The following ROBO2 variants were observed in gnomAD, a reference collection of about 807,000 sequenced individuals.
ROBO2 encodes the protein roundabout homolog 2.
In ROBO2, 53 loss-of-function variants were observed where a neutral mutation model predicts 160.8. The observed-to-expected ratio is 0.33, with a 90% CI of 0.26 to 0.41. The LOEUF is 0.41. Ranked by LOEUF, ROBO2 falls within the 10% of genes least tolerant of loss-of-function variation. The pLI is 1.00. For synonymous variants in ROBO2, 664 were observed against 611.7 expected, an observed-to-expected ratio of 1.09 and a Z score of -1.26; for missense variants, 1,577 against 1,722.4, an observed-to-expected ratio of 0.92 and a Z score of 1.49.
At chr3:77,473,384 C>T (rs1399783756) in intron 2 of ROBO2, among the ~76,000 whole-genome samples, 1 of 151,080 alleles carries the variant, frequency 6.6e-6, no homozygotes, top group Non-Finnish European at 1.5e-5. Flanking sequence ...CGGCATTCAC[C>T]CGTGCAAGCT....
chr3:77,151,201 T>C (rs112970323), intron 2 of ROBO2, among the ~76,000 whole-genome samples: 53 of 152,270 alleles, frequency 3.5e-4, no homozygotes, highest in Middle Eastern at 3.4e-3. Context: ...TGTTACTTCC[T>C]TTAATAATGT....
Position 76,049,383 on chromosome 3 carries a change from G to GTGTGTGTATATATATATATATATA in ROBO2, c.109+111782_109+111783insGTGTGTATATATATATATATATAT, listed in dbSNP as rs1440395230. On this transcript the variant is annotated intron_variant, in intron 2 of 26. Transcript: ENST00000487694. ...ATGCCACCACCCCTGGCTAATTTTAGTATATATATATATATATATATTTTT... is the reference window on the plus strand; with the variant it reads ...ATGCCACCACCCCTGGCTAATTTTAGTGTGTGTATATATATATATATATATATATATATATATATATATATTTTT... Among the ~76,000 whole-genome samples the GTGTGTGTATATATATATATATATA allele has an allele frequency of 1.3e-3, 48 of 36,812 alleles. 3 individuals are homozygous for GTGTGTGTATATATATATATATATA. The highest frequency in any genetic ancestry group is 4.6e-3 in the African/African-American group (41 of 8,866). The allele number at this position is 36,812 out of a possible 152,430, so 24.2% of individuals were successfully genotyped here. A position where few individuals can be genotyped will look rare whatever the true frequency, so the allele number is the denominator to read the frequency against.
At chr3:77,312,232 A>G (rs1485271791) in intron 2 of ROBO2, among the ~76,000 whole-genome samples, 3 of 151,408 alleles carry the variant, frequency 2.0e-5, no homozygotes, top group African/African-American at 7.4e-5. Flanking sequence ...AAATAAAAAC[A>G]GTTAGAAGTT....
chr3:76,440,574 T>C (rs1327795509), intron 2 of ROBO2, among the ~76,000 whole-genome samples: 1 of 152,138 alleles, frequency 6.6e-6, no homozygotes, highest in Non-Finnish European at 1.5e-5. Flanking sequence ...GCAAGTAAAA[T>C]ACAATTCCTC....
intron 2 of ROBO2, among the ~76,000 whole-genome samples, chr3:76,644,581 C>T (rs1165961861): frequency 6.6e-6 from 1 of 152,146 alleles, no homozygotes; most frequent in Non-Finnish European, 1.5e-5. Flanking sequence ...CATATTCCCA[C>T]TTGCACTGAC....
chr3:76,982,847 T>G (rs2060166844), intron 2 of ROBO2, among the ~76,000 whole-genome samples: 2 of 152,320 alleles, frequency 1.3e-5, no homozygotes, highest in Middle Eastern at 3.4e-3. Context: ...GCTTCGTTAG[T>G]AGAATTTCTA....
At chr3:75,979,080 G>A (rs945609463) in intron 2 of ROBO2, among the ~76,000 whole-genome samples, 3 of 151,642 alleles carry the variant, frequency 2.0e-5, no homozygotes, top group African/African-American at 2.4e-5. Flanking sequence ...AAGATCAACT[G>A]CTCCCAGCTC....
intron 2 of ROBO2, among the ~76,000 whole-genome samples, chr3:76,042,450 C>T (rs551354691): frequency 5.3e-5 from 8 of 152,058 alleles, no homozygotes; most frequent in African/African-American, 1.9e-4. Flanking sequence ...CATTTTAATG[C>T]AGTATTTTAT....
Position 77,202,152 on chromosome 3 carries a change from G to A in ROBO2, c.388+103812G>A, listed in dbSNP as rs144706214. ...AGAAAGAGTCAAGAATAGTATCAAC[G>A]ATCAGAGGGAAGCCATCCAACTGTG... On this transcript the variant is annotated intron_variant, in intron 2 of 25. Coordinates refer to ENST00000461745, the Ensembl canonical transcript of ROBO2. Among the ~76,000 whole-genome samples the A allele has an allele frequency of 2.4e-3, 371 of 152,236 alleles. 2 individuals are homozygous for A. Among genetic ancestry groups the A allele is most frequent in the African/African-American group, 8.1e-3 (336 of 41,558 alleles).
chr3:77,242,431 G>A (rs1227663650), intron 2 of ROBO2, among the ~76,000 whole-genome samples: 3 of 152,060 alleles, frequency 2.0e-5, no homozygotes, highest in African/African-American at 7.2e-5. Context: ...CAAGTCTAAG[G>A]TATAGGAAGG....
At chr3:76,955,097 A>C (rs2149200265) in intron 2 of ROBO2, among the ~76,000 whole-genome samples, 1 of 152,282 alleles carries the variant, frequency 6.6e-6, no homozygotes, top group East Asian at 1.9e-4. Flanking sequence ...TATTCTAGAT[A>C]TTTCATATAA....
chr3:76,364,873 G>A (rs750312573), intron 2 of ROBO2, among the ~76,000 whole-genome samples: 5 of 151,910 alleles, frequency 3.3e-5, no homozygotes, highest in East Asian at 1.9e-4. Context: ...GGCAACCTAC[G>A]GTGTAAACTG....
intron 2 of ROBO2, among the ~76,000 whole-genome samples, chr3:76,582,027 T>C (rs1449657425): frequency 1.3e-5 from 2 of 152,162 alleles, no homozygotes; most frequent in African/African-American, 4.8e-5. Flanking sequence ...TGGTGATTGA[T>C]GGGACATGAA....
intron 2 of ROBO2, among the ~76,000 whole-genome samples, chr3:76,531,488 T>A (rs1839049): frequency 0.09 from 13,617 of 151,754 alleles, 881 homozygotes; most frequent in East Asian, 0.24. Context: ...ATATATTTTT[T>A]AATTAACTTA....
rs547321173 is a variant in ROBO2, at chr3:76,297,562, G to A, written c.109+359960G>A. Among the ~76,000 whole-genome samples the A allele has an allele frequency of 2.0e-5, 3 of 151,726 alleles. No homozygotes were observed. In the South Asian group the frequency reaches 6.3e-4, roughly 32 times the overall value. ...TCATTCTTTACATACTTGAGCTTAA[G>A]TATCTCCTTTAAAAATCTCTTTTTA... On this transcript the variant is annotated intron_variant, in intron 2 of 26. Coordinates refer to the ROBO2 transcript ENST00000487694.
intron 2 of ROBO2, among the ~76,000 whole-genome samples, chr3:76,551,777 G>T (rs376413344): frequency 6.6e-6 from 1 of 152,156 alleles, no homozygotes; most frequent in Non-Finnish European, 1.5e-5. Context: ...TCCAACTGCA[G>T]CCTTGCATGA....
At chr3:76,235,805 G>A (rs1037872270) in intron 2 of ROBO2, among the ~76,000 whole-genome samples, 2 of 152,102 alleles carry the variant, frequency 1.3e-5, no homozygotes, top group African/African-American at 4.8e-5. Flanking sequence ...TTAAAAACAG[G>A]GGCATTTTGG....
intron 6 of ROBO2, among the ~76,000 whole-genome samples, chr3:77,540,839 TATTA>T (rs35054507): frequency 0.45 from 67,665 of 151,686 alleles, 15,226 homozygotes; most frequent in East Asian, 0.57. Flanking sequence ...GCTTTTCAAA[TATTA>T]ATTGAGATAA....
At chr3:76,774,356 G>A (rs2062099918) in intron 2 of ROBO2, among the ~76,000 whole-genome samples, 1 of 150,868 alleles carries the variant, frequency 6.6e-6, no homozygotes, top group Admixed American at 6.6e-5. Context: ...TAGAATCATA[G>A]AATATCAGAG....
Sources: gnomAD v4.1 joint callset for allele counts (sites outside exome capture counted in the v4.1 genomes callset) on GRCh38, gnomAD v4.1.1 for gene constraint, MANE v1.5 for transcripts, NCBI Gene and HGNC (gene_info 2026-07-23, HGNC 2026-07-21) for gene names.